PLB1: variants seen among roughly 807,000 people sequenced by gnomAD.
PLB1 encodes the protein phospholipase B1, also known as phospholipase B1, membrane-associated.
In PLB1, 242 loss-of-function variants were observed where a neutral mutation model predicts 227.4. The observed-to-expected ratio is 1.06, with a 90% CI of 0.96 to 1.18. The LOEUF (loss-of-function observed/expected upper bound fraction) is 1.18. PLB1 is among the 50% of genes most tolerant of loss of function. The probability of loss-of-function intolerance (pLI) is 0.00; values close to 1 mark genes in which losing one functional copy is unlikely to be tolerated. For synonymous variants in PLB1, 757 were observed against 682.2 expected (o/e 1.11, Z -1.71); for missense variants, 1,858 against 1,816.3 (o/e 1.02, Z -0.42).
intron 8 of PLB1, 86 bp downstream of exon 8, chr2:28,529,865 C>T: frequency 1.5e-6 from 2 of 1,293,346 alleles, no homozygotes; most frequent in South Asian, 1.2e-5. Flanking sequence ...ACCCTCGTAC[C>T]ATTTTACCAT....
intron 17 of PLB1, among the ~76,000 whole-genome samples, chr2:28,555,211 C>G (rs7599404): frequency 6.9e-6 from 1 of 145,320 alleles, no homozygotes; most frequent in Non-Finnish European, 1.5e-5. Context: ...GCGTGATTTC[C>G]GCTTACTGCA....
chr2:28,630,589 C>A lies in PLB1; in HGVS notation c.3822C>A (p.Asn1274Lys), dbSNP rs201563125. 1.2e-6 allele frequency: 2 copies of A among 1,613,522 alleles called. No homozygotes were observed. The highest frequency in any genetic ancestry group is 4.5e-5 in the East Asian group (2 of 44,868). ...GGKCAMLAAQ[N>K]NCTCLRHSQS... ...TACAACACTCCCTGTCTCACAGGAA[C>A]AACTGCACTTGCCTCAGACACTCGC... Residue 1274 changes from asparagine to lysine, a missense_variant, in exon 54 of 58, where the codon AAC becomes AAA. By Grantham distance (94) the Asn-to-Lys change is moderately conservative (BLOSUM62 0). Coordinates refer to ENST00000327757, the MANE Select transcript of PLB1 (RefSeq NM_153021.5).
At chr2:28,500,792 A>G (rs1667006067) in intron 1 of PLB1, among the ~76,000 whole-genome samples, 1 of 152,218 alleles carries the variant, frequency 6.6e-6, no homozygotes, top group Admixed American at 6.5e-5. Flanking sequence ...ATGGACTCTT[A>G]TTAATCTGTG....
intron 13 of PLB1, among the ~76,000 whole-genome samples, chr2:28,542,428 G>A (rs999117806): frequency 1.3e-5 from 2 of 152,088 alleles, no homozygotes; most frequent in African/African-American, 4.8e-5. Context: ...TGGACAAGGT[G>A]TTGAACTCTG....
chr2:28,539,266 T>C, intron 11 of PLB1, 88 bp downstream of exon 11: 1 of 1,210,480 alleles, frequency 8.3e-7, no homozygotes, highest in Non-Finnish European at 1.2e-6. Context: ...CCGTAATCTA[T>C]GAGGGAGCCC....
chr2:28,554,562 C>T (rs1328170012), intron 17 of PLB1, among the ~76,000 whole-genome samples: 1 of 139,826 alleles, frequency 7.2e-6, no homozygotes, highest in African/African-American at 2.7e-5. Context: ...CTTGAACTCC[C>T]AGGCTCAGGC....
rs766839932 is a variant in PLB1, at chr2:28,532,315, A to G, written c.555+121A>G. The stretch of plus-strand genomic sequence containing the variant: ...ATGGGGCTAATGCCACCTATTTTAG[A>G]ACATGGATGGATGGATGGATGGATG... On this transcript the variant is annotated intron_variant, in intron 9 of 57. Transcript: ENST00000327757. 1.2e-4 allele frequency: 80 copies of G among 643,814 alleles called. 2 individuals are homozygous for G. Among genetic ancestry groups the G allele is most frequent in the Non-Finnish European group, 1.7e-4 (67 of 383,704 alleles). The allele number at this position is 643,814 out of a possible 1,614,324, so 39.9% of individuals were successfully genotyped here. A position where few individuals can be genotyped will look rare whatever the true frequency, so the allele number is the denominator to read the frequency against.
At chr2:28,586,275 T>G (rs1680893705) in intron 26 of PLB1, among the ~76,000 whole-genome samples, 1 of 152,176 alleles carries the variant, frequency 6.6e-6, no homozygotes, top group Non-Finnish European at 1.5e-5. Context: ...CCCTTGAGGC[T>G]CTCCAGGGTT....
At chr2:28,626,099 G>T (rs1479841015) in intron 50 of PLB1, among the ~76,000 whole-genome samples, 1 of 151,634 alleles carries the variant, frequency 6.6e-6, no homozygotes, top group Non-Finnish European at 1.5e-5. Flanking sequence ...GGGTTCAAGT[G>T]ATTCTCCTGC....
chr2:28,513,773 A>T (rs1359492316), intron 1 of PLB1, among the ~76,000 whole-genome samples: 2 of 152,242 alleles, frequency 1.3e-5, no homozygotes, highest in Non-Finnish European at 2.9e-5. Flanking sequence ...TTAGGAAAAG[A>T]TGTGGGGCTC....
At chr2:28,613,949 G>C in intron 43 of PLB1, 82 bp from the exon 44 acceptor site, 1 of 1,077,040 alleles carries the variant, frequency 9.3e-7, no homozygotes, top group Non-Finnish European at 1.4e-6. Context: ...AAATCTACAG[G>C]GCAGGATTGT....
chr2:28,590,510 G>A (rs1263651784), intron 29 of PLB1, among the ~76,000 whole-genome samples: 1 of 152,084 alleles, frequency 6.6e-6, no homozygotes, highest in Non-Finnish European at 1.5e-5. Flanking sequence ...GTTGGGTGGT[G>A]GGGAGTAAAT....
At chr2:28,570,897 A>G (rs1369655383) in intron 20 of PLB1, among the ~76,000 whole-genome samples, 1 of 152,250 alleles carries the variant, frequency 6.6e-6, no homozygotes, top group Non-Finnish European at 1.5e-5. Flanking sequence ...CAATGGTGAC[A>G]GATGGAATGC....
intron 1 of PLB1, among the ~76,000 whole-genome samples, chr2:28,515,543 C>T (rs1319061416): frequency 6.6e-6 from 1 of 152,158 alleles, no homozygotes; most frequent in African/African-American, 2.4e-5. Flanking sequence ...CTTGTGCAAG[C>T]TCTAATGTGG....
chr2:28,526,751 A>G (rs1670313026), intron 6 of PLB1, among the ~76,000 whole-genome samples: 1 of 152,178 alleles, frequency 6.6e-6, no homozygotes, highest in African/African-American at 2.4e-5. Context: ...CCATGGGAGT[A>G]ATGAACAAGT....
At position 28,541,790 on chromosome 2, in the gene PLB1, G is replaced by T; in HGVS notation, c.858G>T (p.Glu286Asp). Residue 286 changes from glutamate to aspartate, a missense_variant, in exon 13 of 58, where the codon GAG (glutamate) becomes GAT (aspartate). Glu to Asp is a conservative substitution (Grantham distance 45). Transcript: ENST00000327757. ...FTVVFQPFFY[E>D]TTPSLHSEDP... ...TGGTTTTCCAGCCTTTCTTCTATGA[G>T]ACCACCCCATCTCTACACTCGGTAA... 1 of 1,612,492 alleles carries T rather than the reference G, an allele frequency of 6.2e-7. No individual in the cohort carries two copies. Among genetic ancestry groups the T allele is most frequent in the South Asian group, 1.1e-5 (1 of 91,020 alleles).
intron 1 of PLB1, among the ~76,000 whole-genome samples, chr2:28,498,649 CTGTT>C (rs1423024990): frequency 1.3e-5 from 2 of 152,188 alleles, no homozygotes; most frequent in Non-Finnish European, 2.9e-5. Flanking sequence ...AGAGCTACCT[CTGTT>C]TGTACATTAA....
intron 35 of PLB1, 37 bp from the exon 36 acceptor site, chr2:28,600,772 T>A: frequency 6.2e-7 from 1 of 1,606,156 alleles, no homozygotes; most frequent in Non-Finnish European, 8.5e-7. Flanking sequence ...ATGGGCACTG[T>A]TCCTCAACAG....
At position 28,496,176 on chromosome 2, in the gene PLB1, G is replaced by C. The variant is rs557789054; in HGVS notation, c.55+7G>C. On this transcript the variant is annotated splice_region_variant and intron_variant, in intron 1 of 57. Coordinates refer to ENST00000327757, the MANE Select transcript of PLB1 (RefSeq NM_153021.5). Reference sequence around the variant, plus strand: ...CTGCTGCTTCTGGGGCAAGGTAAGCGTGCCTTTTGCTCAGAGGACAACCAG... The same window carrying C: ...CTGCTGCTTCTGGGGCAAGGTAAGCCTGCCTTTTGCTCAGAGGACAACCAG... The C allele has an allele frequency of 1.2e-6, 2 of 1,613,574 alleles. No homozygotes were observed. The highest frequency in any genetic ancestry group is 1.7e-5 in the Admixed American group (1 of 59,974).
Sources: allele counts gnomAD v4.1 joint callset (sites outside exome capture counted in the v4.1 genomes callset), GRCh38; gene constraint gnomAD v4.1.1; transcripts MANE v1.5; gene names NCBI Gene and HGNC (gene_info 2026-07-23, HGNC 2026-07-21).